NPAT: variants seen among roughly 807,000 people sequenced by gnomAD.
NPAT encodes nuclear protein, coactivator of histone transcription.
NPAT carries 52 observed loss-of-function variants against 130.7 expected under a neutral mutation model. The observed-to-expected ratio is 0.40, with a 90% CI of 0.32 to 0.50. NPAT has a LOEUF of 0.50. NPAT is among the 20% of genes least tolerant of loss of function. The pLI is 0.68. For synonymous variants in NPAT, 580 were observed against 584.8 expected (o/e 0.99, Z 0.12); for missense variants, 1,687 against 1,662.6 (o/e 1.01, Z -0.26).
At chr11:108,188,268 T>C (rs1031481770) in intron 6 of NPAT, 89 bp from the exon 7 acceptor site, 4 of 1,002,974 alleles carry the variant, frequency 4.0e-6, no homozygotes, top group Admixed American at 3.5e-5. Context: ...GTGATTATTA[T>C]TTTATATTAA....
chr11:108,206,004 C>G (rs2078321583), intron 1 of NPAT, among the ~76,000 whole-genome samples: 1 of 152,144 alleles, frequency 6.6e-6, no homozygotes, highest in African/African-American at 2.4e-5. Context: ...GAGATCATGC[C>G]AAGGCATTCC....
At chr11:108,217,369 T>C (rs1262143142) in intron 1 of NPAT, among the ~76,000 whole-genome samples, 1 of 152,222 alleles carries the variant, frequency 6.6e-6, no homozygotes, top group Non-Finnish European at 1.5e-5. Flanking sequence ...TTTCAATGTT[T>C]AATATTAGAA....
At chr11:108,192,877 C>T (rs1028683128) in intron 3 of NPAT, among the ~76,000 whole-genome samples, 7 of 152,132 alleles carry the variant, frequency 4.6e-5, no homozygotes, top group African/African-American at 1.7e-4. Flanking sequence ...CTGCTTGAAC[C>T]CGGGAGACGG....
chr11:108,214,656 G>A (rs1407480613), intron 1 of NPAT, among the ~76,000 whole-genome samples: 1 of 147,954 alleles, frequency 6.8e-6, no homozygotes, highest in Non-Finnish European at 1.5e-5. Context: ...TTTTGAGATG[G>A]AGTCCCGCTC....
intron 1 of NPAT, among the ~76,000 whole-genome samples, chr11:108,205,740 A>G (rs1275775042): frequency 2.0e-5 from 3 of 152,198 alleles, no homozygotes; most frequent in African/African-American, 4.8e-5. Context: ...ACTTGATAAC[A>G]ACATAATATA....
rs139564981 is a variant in NPAT at position 108,159,858 on chromosome 11, A to C, written c.4207-839T>G. Among the ~76,000 whole-genome samples, 389 of 152,074 alleles carry C rather than the reference A, an allele frequency of 2.6e-3. 2 individuals are homozygous for C. The highest frequency in any genetic ancestry group is 8.0e-3 in the African/African-American group (334 of 41,506). On this transcript the variant is annotated intron_variant, in intron 17 of 17. Transcript: ENST00000278612. ...AAAGACTGTCTCTATAAAAAAAAAA[A>C]ACCAGAAAAAATGACCAGGCGTGGT...
chr11:108,168,141 T>C (rs931991437), intron 15 of NPAT, among the ~76,000 whole-genome samples: 1 of 152,002 alleles, frequency 6.6e-6, no homozygotes, highest in Non-Finnish European at 1.5e-5. Context: ...TCAGAAATTC[T>C]GGGTCATAGA....
chr11:108,162,262 C>CACAAAAAATTTTATCACAAAAAATTTTAA, intron 15 of NPAT, 82 bp from the exon 16 acceptor site: 1 of 1,305,930 alleles, frequency 7.7e-7, no homozygotes, highest in Non-Finnish European at 1.1e-6. Context: ...TATCACATAT[C>CACAAAAAATTTTATCACAAAAAATTTTAA]ATGAGAAAAA....
At chr11:108,201,063 TTTGCGTTCCAA>T (rs1177532794) in intron 1 of NPAT, among the ~76,000 whole-genome samples, 20 of 152,332 alleles carry the variant, frequency 1.3e-4, no homozygotes, top group African/African-American at 4.6e-4. Context: ...GACATTCTCC[TTTGCGTTCCAA>T]TTGAGGAAGT....
intron 1 of NPAT, among the ~76,000 whole-genome samples, chr11:108,201,349 T>C (rs1431846186): frequency 6.6e-6 from 1 of 152,180 alleles, no homozygotes; most frequent in Non-Finnish European, 1.5e-5. Context: ...TTATATCACA[T>C]AATAAAGGAG....
At chr11:108,210,987 G>C (rs563251653) in intron 1 of NPAT, among the ~76,000 whole-genome samples, 2 of 152,150 alleles carry the variant, frequency 1.3e-5, no homozygotes, top group East Asian at 1.9e-4. Flanking sequence ...TTGGGAGGCC[G>C]AGGTGGGTGG....
intron 10 of NPAT, among the ~76,000 whole-genome samples, chr11:108,179,532 G>A (rs552062437): frequency 6.6e-5 from 10 of 152,282 alleles, no homozygotes; most frequent in Admixed American, 3.3e-4. Context: ...GAGCCACCAC[G>A]CCCGGACTCA....
intron 15 of NPAT, among the ~76,000 whole-genome samples, chr11:108,167,356 C>T (rs1361820821): frequency 1.3e-5 from 2 of 152,146 alleles, no homozygotes; most frequent in African/African-American, 4.8e-5. Flanking sequence ...GGACTACTAT[C>T]TGCCACCACA....
At position 108,172,597 on chromosome 11, in the gene NPAT, A is replaced by T. The variant is rs1371318815; in HGVS notation, c.2387T>A (p.Val796Glu). The T allele has an allele frequency of 1.2e-6, 2 of 1,614,114 alleles. No individual in the cohort carries two copies. Among genetic ancestry groups the T allele is most frequent in the East Asian group, 4.5e-5 (2 of 44,896 alleles). Residue 796 changes from valine to glutamate, a missense_variant, in exon 13 of 18, where the codon GTA (valine) becomes GAA (glutamate). This residue lies in a region of NPAT where 1,379 missense variants were observed against 1,346.6 expected (regional missense o/e 1.02). Coordinates refer to ENST00000278612, the MANE Select transcript of NPAT (RefSeq NM_002519.3). ...TACTTCGGCATATACAACAGCACCT[A>T]CAGTTTCTTCTGAAGATAGGCATTT... Reference protein sequence around the residue: ...LVKCLSSEETVGAVVYAEVGD... With the variant: ...LVKCLSSEETEGAVVYAEVGD...
chr11:108,187,316 G>A (rs1369089676), intron 7 of NPAT, among the ~76,000 whole-genome samples: 1 of 152,132 alleles, frequency 6.6e-6, no homozygotes, highest in East Asian at 1.9e-4. Flanking sequence ...GCTGGGTGTG[G>A]CGGCATGTGC....
At chr11:108,213,053 C>T (rs566101296) in intron 1 of NPAT, among the ~76,000 whole-genome samples, 40 of 150,124 alleles carry the variant, frequency 2.7e-4, no homozygotes, top group African/African-American at 9.3e-4. Context: ...GCCAGCAAAT[C>T]ACCTGAGGTC....
At chr11:108,200,359 G>T (rs1367395015) in intron 1 of NPAT, among the ~76,000 whole-genome samples, 1 of 152,084 alleles carries the variant, frequency 6.6e-6, no homozygotes, top group Non-Finnish European at 1.5e-5. Context: ...TAGTTGAGGG[G>T]ACCTTTTGTT....
In NPAT at chr11:108,185,328, A is replaced by T; in HGVS notation, c.819-9T>A. ...GGGCAATATTGTTATCACTGTTAATAAAGAAAGAAAAATCTTTATTATAGT... is the reference window on the plus strand; with the variant it reads ...GGGCAATATTGTTATCACTGTTAATTAAGAAAGAAAAATCTTTATTATAGT... On this transcript the variant is annotated splice_polypyrimidine_tract_variant and intron_variant, in intron 9 of 17. Transcript: ENST00000278612. The T allele has an allele frequency of 6.3e-7, 1 of 1,598,558 alleles. No individual in the cohort carries two copies. The highest frequency in any genetic ancestry group is 8.6e-7 in the Non-Finnish European group (1 of 1,168,268).
rs61913698 is a variant in NPAT, at chr11:108,173,478, A to C, written c.1506T>G (p.Pro502=). 5.9e-3 allele frequency: 9,562 copies of C among 1,614,190 alleles called. 40 individuals carry two copies. The highest frequency in any genetic ancestry group is 6.7e-3 in the Non-Finnish European group (7,853 of 1,180,022). ...AAGTTATTGGTATATCAGGCTGATC[A>C]GGCTGTAACTGAGATTCACTCGGTA... ...SNVPSESQLQ[P]DQPDIPITSF... Residue 502 remains proline, a synonymous_variant, in exon 13 of 18, where the codon CCT becomes CCG. Coordinates refer to ENST00000278612, the MANE Select transcript of NPAT (RefSeq NM_002519.3).
Sources: gnomAD v4.1 joint callset for allele counts (sites outside exome capture counted in the v4.1 genomes callset) on GRCh38, gnomAD v4.1.1 for gene constraint, gnomAD v4.1.1 regional missense constraint, MANE v1.5 for transcripts, NCBI Gene and HGNC (gene_info 2026-07-23, HGNC 2026-07-21) for gene names.